The following ZNF254 variants were observed in gnomAD, a reference collection of about 807,000 sequenced individuals.
ZNF254 encodes zinc finger protein 254, also known as CTD-2017D11.1.
ZNF254 carries 10 observed loss-of-function variants against 12.4 expected under a neutral mutation model. The ratio of observed to expected loss-of-function variants is 0.80; its 90% confidence interval spans 0.50 to 1.36. ZNF254 has a LOEUF of 1.36. ZNF254 is among the 40% of genes most tolerant of loss of function. The pLI is 0.00. For synonymous variants in ZNF254, 305 were observed against 253.4 expected (o/e 1.20, Z -1.93); for missense variants, 996 against 763.9 (o/e 1.30, Z -3.58).
chr19:24,085,111 A>T (rs1971977315), upstream of ZNF254, among the ~76,000 whole-genome samples: 1 of 149,232 alleles, frequency 6.7e-6, no homozygotes, highest in Non-Finnish European at 1.5e-5. Flanking sequence ...TTTGTATTTA[A>T]TAGTGGAGAT....
At chr19:24,098,058 T>C (rs1303863852) in intron 1 of ZNF254, among the ~76,000 whole-genome samples, 1 of 152,160 alleles carries the variant, frequency 6.6e-6, no homozygotes, top group Non-Finnish European at 1.5e-5. Flanking sequence ...ATATTGTGAT[T>C]CATACTTTTG....
chr19:24,056,381 A>G (rs1242729876), intron 2 of ZNF254, among the ~76,000 whole-genome samples: 1 of 152,142 alleles, frequency 6.6e-6, no homozygotes. Context: ...CCCTGCTCAC[A>G]GAGGGAATTT....
intron 3 of ZNF254, among the ~76,000 whole-genome samples, chr19:24,123,770 C>T (rs958796016): frequency 6.6e-6 from 1 of 151,938 alleles, no homozygotes; most frequent in African/African-American, 2.4e-5. Context: ...TAAGATGTAG[C>T]TTGTGTAAGA....
intron 1 of ZNF254, among the ~76,000 whole-genome samples, chr19:24,097,991 T>C (rs1292599188): frequency 1.3e-5 from 2 of 152,090 alleles, no homozygotes; most frequent in Non-Finnish European, 2.9e-5. Context: ...TTTTCTACAA[T>C]AGTATGAATA....
intron 1 of ZNF254, among the ~76,000 whole-genome samples, chr19:24,103,523 A>C (rs1222426257): frequency 2.6e-5 from 4 of 152,160 alleles, no homozygotes; most frequent in African/African-American, 9.7e-5. Context: ...CCCTTTTCAC[A>C]GTTTCTGTTC....
chr19:24,094,618 T>C (rs146365274), intron 1 of ZNF254, among the ~76,000 whole-genome samples: 9 of 152,280 alleles, frequency 5.9e-5, no homozygotes, highest in African/African-American at 1.9e-4. Context: ...CAATTTTATG[T>C]TGAATAGTAG....
At chr19:24,082,670 C>CA (rs1422440671), upstream of ZNF254, among the ~76,000 whole-genome samples, 126 of 141,282 alleles carry the variant, frequency 8.9e-4, 1 homozygote, top group African/African-American at 3.2e-3. Context: ...AAAAAAAAAA[C>CA]CCAAAAAACT....
Position 24,061,313 on chromosome 19 carries a change from G to A in ZNF254, c.-94+15034G>A, listed in dbSNP as rs560300383. 3.3e-5 allele frequency among the ~76,000 whole-genome samples: 5 copies of A among 152,346 alleles called. No individual in the cohort carries two copies. In the East Asian group the frequency reaches 9.7e-4, roughly 29 times the overall value. Reference sequence around the variant, plus strand: ...TCACTGGAACCAGAACTTAGGTGATGTGACTCTTCTGTCTAACAACCACAT... The same window carrying A: ...TCACTGGAACCAGAACTTAGGTGATATGACTCTTCTGTCTAACAACCACAT... On this transcript the variant is annotated intron_variant, in intron 2 of 4. Coordinates refer to the ZNF254 transcript ENST00000613065.
At chr19:24,071,377 T>A (rs1425044290) in intron 2 of ZNF254, among the ~76,000 whole-genome samples, 1 of 152,212 alleles carries the variant, frequency 6.6e-6, no homozygotes, top group Non-Finnish European at 1.5e-5. Context: ...ATGATATGAC[T>A]ATTTTTTGTC....
intron 2 of ZNF254, among the ~76,000 whole-genome samples, chr19:24,076,642 A>C (rs539644793): frequency 6.6e-6 from 1 of 152,182 alleles, no homozygotes; most frequent in African/African-American, 2.4e-5. Context: ...TATGAAAAAA[A>C]TTTATTTGAA....
At position 24,129,257 on chromosome 19, in the gene ZNF254, C is replaced by T. The variant is rs535485865; in HGVS notation, c.*1277C>T. The T allele has an allele frequency of 6.6e-6, 1 of 151,910 alleles. No individual in the cohort carries two copies. The highest frequency in any genetic ancestry group is 2.1e-4 in the South Asian group (1 of 4,820). 9.4% of individuals were successfully genotyped at this position (151,910 alleles called of 1,614,324 possible). On this transcript the variant is annotated 3_prime_UTR_variant, in exon 4 of 4. Transcript: ENST00000357002. ...ATATGTTATTTTATTAATTGTACTT[C>T]TATGAAATAATATGCAGTCTATTTT...
intron 3 of ZNF254, among the ~76,000 whole-genome samples, chr19:24,118,784 G>T (rs1299410267): frequency 1.3e-5 from 2 of 151,950 alleles, no homozygotes; most frequent in East Asian, 1.9e-4. Flanking sequence ...CAAGATTATT[G>T]TCATGTGTTT....
chr19:24,051,382 A>G (rs571728078), intron 2 of ZNF254, among the ~76,000 whole-genome samples: 3 of 151,956 alleles, frequency 2.0e-5, no homozygotes, highest in East Asian at 2.0e-4. Context: ...CTGGTCTCGA[A>G]TTCCTGACCT....
chr19:24,037,018 C>G (rs1170503840), intron 1 of ZNF254, among the ~76,000 whole-genome samples: 1 of 152,200 alleles, frequency 6.6e-6, no homozygotes, highest in Admixed American at 6.5e-5. Context: ...GAACCTGAAG[C>G]AGCAACCTGG....
At chr19:24,061,458 C>G (rs10426898) in intron 2 of ZNF254, among the ~76,000 whole-genome samples, 149,444 of 152,252 alleles carry the variant, frequency 0.98, 73,324 homozygotes, top group Middle Eastern at 1. Context: ...CCTGCACCCT[C>G]CCCACAGGAA....
At chr19:24,123,729 T>C (rs1974642476) in intron 3 of ZNF254, among the ~76,000 whole-genome samples, 1 of 152,102 alleles carries the variant, frequency 6.6e-6, no homozygotes, top group Non-Finnish European at 1.5e-5. Context: ...AAATTTAAAG[T>C]ACATTTTATA....
intron 3 of ZNF254, among the ~76,000 whole-genome samples, chr19:24,113,063 C>T (rs554622030): frequency 3.9e-5 from 6 of 152,204 alleles, no homozygotes; most frequent in Admixed American, 3.9e-4. Context: ...AAAAAGAGTC[C>T]TGGATCAGAT....
At chr19:24,103,421 A>T (rs888268885) in intron 1 of ZNF254, among the ~76,000 whole-genome samples, 2 of 152,198 alleles carry the variant, frequency 1.3e-5, no homozygotes, top group Non-Finnish European at 2.9e-5. Flanking sequence ...AAGCTCATTA[A>T]AGCTTGAGTG....
chr19:24,095,264 T>C (rs1972607829), intron 1 of ZNF254, among the ~76,000 whole-genome samples: 1 of 152,220 alleles, frequency 6.6e-6, no homozygotes, highest in African/African-American at 2.4e-5. Context: ...GTTAGCTTTT[T>C]GATATGCTGC....
Sources: allele counts gnomAD v4.1 joint callset (sites outside exome capture counted in the v4.1 genomes callset), GRCh38; gene constraint gnomAD v4.1.1; transcripts MANE v1.5; gene names NCBI Gene and HGNC (gene_info 2026-07-23, HGNC 2026-07-21).